The following RSU1 variants were observed in gnomAD, a reference collection of about 807,000 sequenced individuals.
RSU1 encodes the protein Ras suppressor protein 1, also known as rsu-1.
A neutral mutation model predicts 31.1 loss-of-function variants in RSU1; 26 were observed. The ratio of observed to expected loss-of-function variants is 0.84; its 90% CI spans 0.61 to 1.16. The LOEUF is 1.16. RSU1 is among the 50% of genes most tolerant of loss of function. The pLI, the probability that RSU1 is intolerant of heterozygous loss-of-function variation, is 0.00. For missense variants in RSU1, 320 were observed against 339.1 expected (o/e 0.94, Z 0.44); for synonymous variants, 164 against 136.3 (o/e 1.20, Z -1.41).
intron 8 of RSU1, among the ~76,000 whole-genome samples, chr10:16,664,287 G>A (rs1423069541): frequency 6.6e-6 from 1 of 152,162 alleles, no homozygotes; most frequent in East Asian, 1.9e-4. Context: ...TCCCAATGAG[G>A]AATTCAGGGA....
At chr10:16,681,088 A>C (rs1318649411) in intron 8 of RSU1, among the ~76,000 whole-genome samples, 1 of 152,212 alleles carries the variant, frequency 6.6e-6, no homozygotes, top group African/African-American at 2.4e-5. Context: ...CAAAGAGAAA[A>C]GGTTGACCTA....
At chr10:16,722,739 T>C (rs184651204) in intron 7 of RSU1, among the ~76,000 whole-genome samples, 75 of 152,084 alleles carry the variant, frequency 4.9e-4, no homozygotes, top group African/African-American at 1.5e-3. Flanking sequence ...GAGCACACTT[T>C]TTATATAACT....
intron 7 of RSU1, among the ~76,000 whole-genome samples, chr10:16,740,659 C>T (rs1387515962): frequency 6.6e-6 from 1 of 152,110 alleles, no homozygotes; most frequent in African/African-American, 2.4e-5. Flanking sequence ...CACTGTCTTC[C>T]CACATACTAG....
intron 2 of RSU1, 63 bp from the exon 3 acceptor site, chr10:16,782,147 C>CTGT: frequency 7.5e-7 from 1 of 1,339,438 alleles, no homozygotes; most frequent in Non-Finnish European, 1.1e-6. Flanking sequence ...CGGATTCTAC[C>CTGT]TGTACTCCTA....
intron 8 of RSU1, among the ~76,000 whole-genome samples, chr10:16,652,332 T>A (rs1834699278): frequency 7.0e-6 from 1 of 143,356 alleles, no homozygotes; most frequent in Non-Finnish European, 1.5e-5. Flanking sequence ...TGAGAAAGAC[T>A]GTAGCTCAGA....
chr10:16,675,479 A>G (rs1283754831), intron 8 of RSU1, among the ~76,000 whole-genome samples: 1 of 152,066 alleles, frequency 6.6e-6, no homozygotes, highest in Non-Finnish European at 1.5e-5. Flanking sequence ...TCAGGCAGGT[A>G]TTGCTCTGTG....
rs752595295 is a variant in RSU1, at chr10:16,755,002, G to T, written c.282-13C>A. ...CAGCCTGTTCATGCTGTTGCAGGGG[G>T]ACAAAAATCTATGTCATGACACCAA... On this transcript the variant is annotated splice_polypyrimidine_tract_variant and intron_variant, in intron 4 of 8. Coordinates refer to ENST00000345264, the MANE Select transcript of RSU1 (RefSeq NM_012425.4). 4 of 1,542,102 alleles carry T rather than the reference G, an allele frequency of 2.6e-6. 1 individual carries two copies. Among genetic ancestry groups the T allele is most frequent in the Non-Finnish European group, 3.6e-6 (4 of 1,120,710 alleles).
intron 7 of RSU1, among the ~76,000 whole-genome samples, chr10:16,749,230 G>T (rs1010504500): frequency 2.4e-4 from 37 of 152,136 alleles, no homozygotes; most frequent in African/African-American, 8.7e-4. Flanking sequence ...CTTATTCAAA[G>T]ACACACAGTG....
chr10:16,748,972 C>G (rs1836916595), intron 7 of RSU1, among the ~76,000 whole-genome samples: 2 of 152,100 alleles, frequency 1.3e-5, no homozygotes, highest in South Asian at 4.2e-4. Flanking sequence ...TGTTCTGTCT[C>G]TTGTTCTAAT....
At chr10:16,776,821 A>C (rs1469316711) in intron 3 of RSU1, among the ~76,000 whole-genome samples, 3 of 152,064 alleles carry the variant, frequency 2.0e-5, no homozygotes, top group South Asian at 2.1e-4. Flanking sequence ...AAAAAAAAAA[A>C]AAAACTACTG....
At chr10:16,645,588 G>A (rs951265500) in intron 8 of RSU1, among the ~76,000 whole-genome samples, 2 of 151,632 alleles carry the variant, frequency 1.3e-5, no homozygotes, top group Non-Finnish European at 2.9e-5. Flanking sequence ...CGGGCGGATC[G>A]CTTGAGCTCA....
chr10:16,784,201 A>C (rs61843970), intron 2 of RSU1, among the ~76,000 whole-genome samples: 18,089 of 150,356 alleles, frequency 0.12, 1,582 homozygotes, highest in African/African-American at 0.23. Context: ...CCCACCTCAG[A>C]CTCCCAAGCA....
chr10:16,707,409 T>C (rs531425308), intron 7 of RSU1, among the ~76,000 whole-genome samples: 13 of 152,292 alleles, frequency 8.5e-5, no homozygotes, highest in East Asian at 1.9e-4. Context: ...TTTTTAACAA[T>C]AGCCATGCTA....
chr10:16,666,292 T>C (rs550671488), intron 8 of RSU1, among the ~76,000 whole-genome samples: 2 of 152,280 alleles, frequency 1.3e-5, no homozygotes, highest in Admixed American at 1.3e-4. Context: ...ATCTTTGAAA[T>C]ATACACAGAA....
At chr10:16,795,853 G>A (rs1293159364) in intron 2 of RSU1, among the ~76,000 whole-genome samples, 1 of 152,144 alleles carries the variant, frequency 6.6e-6, no homozygotes, top group African/African-American at 2.4e-5. Flanking sequence ...AAGCCGCCCA[G>A]GTGAGGCACC....
intron 8 of RSU1, among the ~76,000 whole-genome samples, chr10:16,623,573 T>G (rs1588679794): frequency 6.6e-6 from 1 of 152,196 alleles, no homozygotes; most frequent in East Asian, 1.9e-4. Context: ...GAATGGTAAT[T>G]CTGTTTTAAG....
rs181246046 is a variant in RSU1, at chr10:16,597,981, T to C, written c.732-4485A>G. 5.1e-3 allele frequency among the ~76,000 whole-genome samples: 780 copies of C among 152,292 alleles called. 6 individuals are homozygous for C. Among genetic ancestry groups the C allele is most frequent in the African/African-American group, 0.018 (739 of 41,566 alleles). The stretch of plus-strand genomic sequence containing the variant: ...AGGGATGTGGCTATGGCAGTGGCGG[T>C]GCAGTCACAACAAGCTCCAAAGTCT... On this transcript the variant is annotated intron_variant, in intron 8 of 8. Coordinates refer to ENST00000345264, the MANE Select transcript of RSU1 (RefSeq NM_012425.4).
intron 8 of RSU1, among the ~76,000 whole-genome samples, chr10:16,605,644 C>T (rs979506681): frequency 6.6e-6 from 1 of 152,194 alleles, no homozygotes; most frequent in Non-Finnish European, 1.5e-5. Flanking sequence ...CATCAGGTGA[C>T]TACCATCAGC....
intron 4 of RSU1, among the ~76,000 whole-genome samples, chr10:16,761,832 G>C (rs141380680): frequency 5.9e-5 from 9 of 152,218 alleles, no homozygotes; most frequent in Non-Finnish European, 4.4e-5. Context: ...CTCCAGCCTC[G>C]ACGACAGAGT....
Sources: gnomAD v4.1 joint callset for allele counts (sites outside exome capture counted in the v4.1 genomes callset) on GRCh38, gnomAD v4.1.1 for gene constraint, MANE v1.5 for transcripts, NCBI Gene and HGNC (gene_info 2026-07-23, HGNC 2026-07-21) for gene names.